CNTN5: variants seen among roughly 807,000 people sequenced by gnomAD.
CNTN5 encodes contactin 5.
A neutral mutation model predicts 129.1 loss-of-function variants in CNTN5; 77 were observed. The observed-to-expected ratio is 0.60, with a 90% CI of 0.50 to 0.72. The LOEUF is 0.72. CNTN5 is among the 30% of genes least tolerant of loss of function. The probability of loss-of-function intolerance (pLI) is 0.00; values close to 1 mark genes in which losing one functional copy is unlikely to be tolerated. For synonymous variants in CNTN5, 509 were observed against 465.6 expected, an observed-to-expected ratio of 1.09 and a Z score of -1.20; for missense variants, 1,478 against 1,328.8, an observed-to-expected ratio of 1.11 and a Z score of -1.75.
intron 3 of CNTN5, among the ~76,000 whole-genome samples, chr11:99,600,727 G>A (rs961053669): frequency 6.7e-6 from 1 of 149,262 alleles, no homozygotes; most frequent in African/African-American, 2.5e-5. Context: ...CACCAGTGTT[G>A]GAGCACCTAA....
rs151333354 is a variant in CNTN5, at chr11:100,036,102, T to C, written c.981-25110T>C. 3.6e-3 allele frequency among the ~76,000 whole-genome samples: 542 copies of C among 152,322 alleles called. 3 individuals carry two copies. The highest frequency in any genetic ancestry group is 0.012 in the African/African-American group (494 of 41,572). ...CTTCTAGGGTTTTTATGGTTTCAGCTCTAACATTTAAGTCTTTAATCCATC... is the reference window on the plus strand; with the variant it reads ...CTTCTAGGGTTTTTATGGTTTCAGCCCTAACATTTAAGTCTTTAATCCATC... On this transcript the variant is annotated intron_variant, in intron 9 of 24. Coordinates refer to ENST00000524871, the MANE Select transcript of CNTN5 (RefSeq NM_014361.4).
At chr11:99,105,443 G>A (rs887725495) in intron 1 of CNTN5, among the ~76,000 whole-genome samples, 4 of 152,232 alleles carry the variant, frequency 2.6e-5, no homozygotes, top group Non-Finnish European at 5.9e-5. Context: ...ATATTACTGT[G>A]TTTTATGTTA....
chr11:100,304,879 G>A (rs1951311989), intron 20 of CNTN5, among the ~76,000 whole-genome samples: 1 of 151,064 alleles, frequency 6.6e-6, no homozygotes, highest in Non-Finnish European at 1.5e-5. Flanking sequence ...GACATGGAAA[G>A]AATTAAGAAC....
chr11:99,692,917 G>A (rs1954101053), intron 3 of CNTN5, among the ~76,000 whole-genome samples: 1 of 152,056 alleles, frequency 6.6e-6, no homozygotes, highest in Admixed American at 6.6e-5. Flanking sequence ...TATAATAGCT[G>A]GGAGAAAGGG....
chr11:99,771,966 A>G (rs1039426699), intron 3 of CNTN5, among the ~76,000 whole-genome samples: 2 of 151,960 alleles, frequency 1.3e-5, no homozygotes, highest in Non-Finnish European at 2.9e-5. Context: ...GGGAGAAAAA[A>G]AAACCTGAAA....
chr11:100,256,340 A>G (rs943791391), intron 17 of CNTN5, among the ~76,000 whole-genome samples: 1 of 152,134 alleles, frequency 6.6e-6, no homozygotes, highest in African/African-American at 2.4e-5. Flanking sequence ...TTGATATGCA[A>G]TTGTTTTAGT....
chr11:100,290,319 A>T (rs1256051633), intron 18 of CNTN5, among the ~76,000 whole-genome samples: 1 of 152,144 alleles, frequency 6.6e-6, no homozygotes, highest in Non-Finnish European at 1.5e-5. Flanking sequence ...AGCCAAAAGA[A>T]CAAAGCTAGA....
chr11:100,331,375 C>G (rs547625441), intron 21 of CNTN5, among the ~76,000 whole-genome samples: 2 of 152,144 alleles, frequency 1.3e-5, no homozygotes, highest in African/African-American at 4.8e-5. Context: ...CATGACAACA[C>G]AATAACAGTG....
chr11:100,074,372 A>G, intron 13 of CNTN5, 78 bp downstream of exon 13: 1 of 1,228,298 alleles, frequency 8.1e-7, no homozygotes, highest in Non-Finnish European at 1.2e-6. Flanking sequence ...ACTATGCAAG[A>G]AAGAGTCTTG....
At position 99,916,147 on chromosome 11, in the gene CNTN5, C is replaced by T; in HGVS notation, c.671C>T (p.Pro224Leu). 1 of 1,609,778 alleles carries T rather than the reference C, an allele frequency of 6.2e-7. No individual in the cohort carries two copies. Among genetic ancestry groups the T allele is most frequent in the Non-Finnish European group, 8.5e-7 (1 of 1,177,416 alleles). The change falls in exon 7 of 25, where the codon CCA becomes CTA. Residue 224 changes from proline to leucine, a missense_variant and splice_region_variant. Transcript: ENST00000524871. ...ATGTGCTCTCCTCCGCCACATTCACCAGGTACAGTAGGATCTCATTCTTTG... is the reference window on the plus strand; with the variant it reads ...ATGTGCTCTCCTCCGCCACATTCACTAGGTACAGTAGGATCTCATTCTTTG... ...VLMCSPPPHSPEIIYSWVFNE... is the reference protein window; with the variant it reads ...VLMCSPPPHSLEIIYSWVFNE...
At chr11:99,598,487 T>G (rs923776274) in intron 3 of CNTN5, among the ~76,000 whole-genome samples, 1 of 143,966 alleles carries the variant, frequency 6.9e-6, no homozygotes, top group African/African-American at 2.5e-5. Flanking sequence ...CCTTCCCTTC[T>G]TCCTTCCTTT....
intron 1 of CNTN5, among the ~76,000 whole-genome samples, chr11:99,219,613 A>G (rs1860298104): frequency 6.6e-6 from 1 of 151,734 alleles, no homozygotes; most frequent in Non-Finnish European, 1.5e-5. Context: ...TACATCTTTC[A>G]GCACTTGTAG....
At chr11:100,261,964 A>G (rs1303544537) in intron 17 of CNTN5, among the ~76,000 whole-genome samples, 1 of 152,232 alleles carries the variant, frequency 6.6e-6, no homozygotes, top group Non-Finnish European at 1.5e-5. Context: ...TAATTAAACT[A>G]AAGATCTTCT....
chr11:99,668,330 G>C (rs1952884999), intron 3 of CNTN5, among the ~76,000 whole-genome samples: 1 of 152,102 alleles, frequency 6.6e-6, no homozygotes, highest in Non-Finnish European at 1.5e-5. Context: ...ACCTCTTGCT[G>C]TGTGGTCTGA....
At chr11:100,081,539 C>A (rs1944364295) in intron 13 of CNTN5, among the ~76,000 whole-genome samples, 1 of 152,154 alleles carries the variant, frequency 6.6e-6, no homozygotes, top group Non-Finnish European at 1.5e-5. Context: ...CCCATCTGAA[C>A]TAATCCAACA....
chr11:99,466,167 C>A (rs939833380), intron 2 of CNTN5, among the ~76,000 whole-genome samples: 1 of 152,108 alleles, frequency 6.6e-6, no homozygotes, highest in Non-Finnish European at 1.5e-5. Context: ...CAGGCTTGAG[C>A]CACTGTGCCC....
chr11:99,808,965 A>G (rs1289320209), intron 3 of CNTN5, among the ~76,000 whole-genome samples: 1 of 152,126 alleles, frequency 6.6e-6, no homozygotes, highest in Admixed American at 6.6e-5. Flanking sequence ...TTAATGGTAA[A>G]ATATAAAGAA....
At chr11:99,854,292 C>T (rs558069085) in intron 6 of CNTN5, among the ~76,000 whole-genome samples, 1 of 152,286 alleles carries the variant, frequency 6.6e-6, no homozygotes, top group Non-Finnish European at 1.5e-5. Context: ...CTAGGTTACC[C>T]CTACATAAAT....
At chr11:99,865,262 A>G (rs116247046) in intron 6 of CNTN5, among the ~76,000 whole-genome samples, 1,958 of 152,260 alleles carry the variant, frequency 0.013, 41 homozygotes, top group African/African-American at 0.044. Flanking sequence ...ATAAGAATAT[A>G]AATGTCTGAA....
Sources: gnomAD v4.1 joint callset for allele counts (sites outside exome capture counted in the v4.1 genomes callset) on GRCh38, gnomAD v4.1.1 for gene constraint, MANE v1.5 for transcripts, NCBI Gene and HGNC (gene_info 2026-07-23, HGNC 2026-07-21) for gene names.